The following MLKL variants were observed in gnomAD, a reference collection of about 807,000 sequenced individuals.
MLKL encodes the protein mixed lineage kinase domain-like protein.
In MLKL, 55 loss-of-function variants were observed where a neutral mutation model predicts 56.5. The observed-to-expected ratio is 0.97, with a 90% CI of 0.78 to 1.22. The LOEUF (loss-of-function observed/expected upper bound fraction) is 1.22, where lower values mean the gene tolerates loss of function less well. Ranked by LOEUF, MLKL falls within the 50% of genes most tolerant of loss-of-function variation. The probability of loss-of-function intolerance (pLI) is 0.00; values close to 1 mark genes in which losing one functional copy is unlikely to be tolerated. For synonymous variants in MLKL, 251 were observed against 208.3 expected (o/e 1.20, Z -1.76); for missense variants, 694 against 573.9 (o/e 1.21, Z -2.14).
At chr16:74,694,856 T>C (rs553514154) in intron 2 of MLKL, among the ~76,000 whole-genome samples, 1 of 150,810 alleles carries the variant, frequency 6.6e-6, no homozygotes, top group African/African-American at 2.5e-5. Flanking sequence ...ATGTTAGGAG[T>C]TTTGTTTGTT....
chr16:74,693,825 A>G (rs1597510540), intron 2 of MLKL, among the ~76,000 whole-genome samples: 1 of 152,108 alleles, frequency 6.6e-6, no homozygotes, highest in African/African-American at 2.4e-5. Context: ...GGATGGTCTC[A>G]ATCTCCTGAC....
chr16:74,678,759 G>A (rs1003979374), intron 7 of MLKL, 140 bp downstream of exon 7: 1 of 651,838 alleles, frequency 1.5e-6, no homozygotes, highest in South Asian at 1.9e-5. Flanking sequence ...TCCAGCTTGG[G>A]TGACAGAAAG....
chr16:74,672,654 G>T, intron 10 of MLKL, 116 bp from the exon 11 acceptor site: 1 of 919,686 alleles, frequency 1.1e-6, no homozygotes, highest in Non-Finnish European at 1.7e-6. Flanking sequence ...CCCTGGTCTG[G>T]CTGGTGCCTG....
intron 1 of MLKL, among the ~76,000 whole-genome samples, chr16:74,699,459 G>T (rs1003750099): frequency 6.6e-6 from 1 of 152,118 alleles, no homozygotes; most frequent in Non-Finnish European, 1.5e-5. Flanking sequence ...AACTTAAATT[G>T]TTTAAGGTCT....
rs4888274 is a variant in MLKL, at chr16:74,672,400, A to T, written c.*104T>A. The T allele has an allele frequency of 0.54, 558,119 of 1,038,882 alleles. 154,524 individuals carry two copies. Among genetic ancestry groups the T allele is most frequent in the East Asian group, 0.76 (31,818 of 42,044 alleles). The allele number at this position is 1,038,882 out of a possible 1,614,324, so 64.4% of individuals were successfully genotyped here. A position where few individuals can be genotyped will look rare whatever the true frequency, so the allele number is the denominator to read the frequency against. ...ACAGAGAAGCGTGCCCACTCCTTGC[A>T]CCCATAGATAACCCAATGCCGAAGG... On this transcript the variant is annotated 3_prime_UTR_variant, in exon 11 of 11. Transcript: ENST00000308807.
At chr16:74,695,001 T>C (rs1194857048) in intron 2 of MLKL, among the ~76,000 whole-genome samples, 3 of 152,030 alleles carry the variant, frequency 2.0e-5, no homozygotes, top group Non-Finnish European at 2.9e-5. Context: ...GCCTCCCGAG[T>C]AGCTGGGACT....
intron 1 of MLKL, among the ~76,000 whole-genome samples, chr16:74,698,835 C>A (rs190452685): frequency 6.6e-6 from 1 of 152,234 alleles, no homozygotes; most frequent in East Asian, 1.9e-4. Flanking sequence ...AAAATTGCAG[C>A]GGTCACATTG....
At chr16:74,700,247 C>G (rs1012166134) in intron 1 of MLKL, among the ~76,000 whole-genome samples, 1 of 152,110 alleles carries the variant, frequency 6.6e-6, no homozygotes, top group Non-Finnish European at 1.5e-5. Flanking sequence ...ACCCCCACTG[C>G]TACTGGGCGT....
intron 7 of MLKL, 198 bp from the exon 8 acceptor site, chr16:74,675,962 G>A (rs925921545): frequency 8.4e-6 from 5 of 594,612 alleles, no homozygotes; most frequent in Non-Finnish European, 8.6e-6. Flanking sequence ...GTGACCAAGA[G>A]AAACACAAAG....
chr16:74,675,514 T>G, intron 8 of MLKL, 99 bp downstream of exon 8: 1 of 1,565,348 alleles, frequency 6.4e-7, no homozygotes, highest in South Asian at 1.2e-5. Context: ...CCCAATTTCA[T>G]TCAACAGAGT....
In MLKL at chr16:74,691,468, C is replaced by T. The variant is rs561723087; in HGVS notation, c.536-5G>A. 20 of 1,608,930 alleles carry T rather than the reference C, an allele frequency of 1.2e-5. No homozygotes were observed. The highest frequency in any genetic ancestry group is 1.7e-4 in the Middle Eastern group (1 of 5,974). ...GCATGCATTTTGGTGGTAAATCTGA[C>T]CTCACCCCCGAGAGGAAAGAAGACA... On this transcript the variant is annotated splice_polypyrimidine_tract_variant and splice_region_variant and intron_variant, in intron 3 of 10. Coordinates refer to ENST00000308807, the MANE Select transcript of MLKL (RefSeq NM_152649.4).
chr16:74,682,759 A>G lies in MLKL; in HGVS notation c.848T>C (p.Met283Thr), dbSNP rs768951882. Residue 283 changes from methionine (M) to threonine (T), a missense_variant, in exon 6 of 11, where the codon ATG becomes ACG. Coordinates refer to ENST00000308807, the MANE Select transcript of MLKL (RefSeq NM_152649.4). ...CAGGGTCCCGAGTTCACAGTACTCCATGACAATGGAGAATTGAGGCGGAGT... is the reference window on the plus strand; with the variant it reads ...CAGGGTCCCGAGTTCACAGTACTCCGTGACAATGGAGAATTGAGGCGGAGT... ...TVTPPQFSIVMEYCELGTLRE... is the reference protein window; with the variant it reads ...TVTPPQFSIVTEYCELGTLRE... 2.5e-6 allele frequency: 4 copies of G among 1,614,084 alleles called. No individual in the cohort carries two copies. The highest frequency in any genetic ancestry group is 2.2e-5 in the South Asian group (2 of 91,072).
At chr16:74,697,246 T>A (rs1597518967) in intron 1 of MLKL, among the ~76,000 whole-genome samples, 1 of 152,010 alleles carries the variant, frequency 6.6e-6, no homozygotes, top group East Asian at 1.9e-4. Context: ...GGAATGAGGC[T>A]AACCTGAGCA....
rs1430663968 is a variant in MLKL, at chr16:74,675,339, T to C, written c.1240+16A>G. On this transcript the variant is annotated intron_variant, in intron 9 of 10. Transcript: ENST00000308807. ...CCAACCTCACCACTGGCTGAGCCAG[T>C]CTTCACATTCTTCACCTTGAAACGG... is the stretch of plus-strand genomic sequence containing the variant. 1 of 1,613,978 alleles carries C rather than the reference T, an allele frequency of 6.2e-7. No individual in the cohort carries two copies. The highest frequency in any genetic ancestry group is 1.3e-5 in the African/African-American group (1 of 74,916).
At chr16:74,694,360 G>A (rs933744358) in intron 2 of MLKL, among the ~76,000 whole-genome samples, 6 of 152,142 alleles carry the variant, frequency 3.9e-5, no homozygotes, top group African/African-American at 1.4e-4. Flanking sequence ...AGGGAAACAG[G>A]GGCCCCTGAG....
Position 74,675,029 on chromosome 16 carries a change from G to A in MLKL, c.1312C>T (p.Pro438Ser), listed in dbSNP as rs1567598593. ...TCAATGATCTCCCGCAGCTCTGAAG[G>A]GCAGTCTTCACCCAGTGGCTCCTGC... ...RQQEPLGEDC[P>S]SELREIIDEC... is the part of the protein sequence containing the mutation. The change falls in exon 10 of 11, where the codon CCT becomes TCT. Residue 438 changes from proline (P) to serine (S), a missense_variant. By Grantham distance (74) the Pro-to-Ser change is moderately conservative. Transcript: ENST00000308807. The A allele has an allele frequency of 1.2e-6, 2 of 1,614,050 alleles. No homozygotes were observed. The highest frequency in any genetic ancestry group is 1.3e-5 in the African/African-American group (1 of 74,924).
chr16:74,685,780 G>A (rs1176615385), intron 4 of MLKL, among the ~76,000 whole-genome samples, 197 bp from the exon 5 acceptor site: 1 of 152,138 alleles, frequency 6.6e-6, no homozygotes. Flanking sequence ...TTAGTCCCTC[G>A]GGGTCTGTCA....
chr16:74,696,954 C>T (rs562882735), intron 1 of MLKL, among the ~76,000 whole-genome samples: 1 of 138,134 alleles, frequency 7.2e-6, no homozygotes, highest in Non-Finnish European at 1.5e-5. Context: ...TATAATATTA[C>T]ATATATATAG....
At chr16:74,679,628 T>C (rs1040771276) in intron 6 of MLKL, among the ~76,000 whole-genome samples, 1 of 152,050 alleles carries the variant, frequency 6.6e-6, no homozygotes, top group Non-Finnish European at 1.5e-5. Context: ...GCCAACATGG[T>C]GAAACATCAT....
Sources: gnomAD v4.1 joint callset for allele counts (sites outside exome capture counted in the v4.1 genomes callset) on GRCh38, gnomAD v4.1.1 for gene constraint, MANE v1.5 for transcripts, NCBI Gene and HGNC (gene_info 2026-07-23, HGNC 2026-07-21) for gene names.